Variants in MLLT3 observed in about 807,000 individuals in gnomAD.
MLLT3 encodes MLLT3 super elongation complex subunit.
In MLLT3, 4 loss-of-function variants were observed where a neutral mutation model predicts 53.2. The observed-to-expected ratio is 0.08, with a 90% CI of 0.04 to 0.17. The LOEUF is 0.17. Among genes scored for constraint, MLLT3 ranks in the 10% least tolerant of loss-of-function variants. The pLI, the probability that MLLT3 is intolerant of heterozygous loss-of-function variation, is 1.00. For synonymous variants in MLLT3, 283 were observed against 230.6 expected, an observed-to-expected ratio of 1.23 and a Z score of -2.06; for missense variants, 569 against 684.0, an observed-to-expected ratio of 0.83 and a Z score of 1.87.
rs1346619408 is a variant in MLLT3, at chr9:20,455,009, G to A, written c.276+1695C>T. Among the ~76,000 whole-genome samples, 3 of 152,080 alleles carry A rather than the reference G, an allele frequency of 2.0e-5. No homozygotes were observed. In the East Asian group the frequency reaches 5.8e-4, roughly 29 times the overall value. ...GGATGACTATAATAGAAAATAACAA[G>A]TAACAAGTATTGGAGAAATTGGTAG... On this transcript the variant is annotated intron_variant, in intron 3 of 10. Coordinates refer to ENST00000380338, the MANE Select transcript of MLLT3 (RefSeq NM_004529.4).
intron 2 of MLLT3, among the ~76,000 whole-genome samples, chr9:20,541,577 G>A (rs1218350718): frequency 1.3e-5 from 2 of 152,128 alleles, no homozygotes; most frequent in African/African-American, 2.4e-5. Flanking sequence ...GATCTCATGA[G>A]AACTCACTAT....
At chr9:20,434,292 G>C (rs548888473) in intron 4 of MLLT3, among the ~76,000 whole-genome samples, 1 of 152,228 alleles carries the variant, frequency 6.6e-6, no homozygotes, top group Non-Finnish European at 1.5e-5. Flanking sequence ...AAATTCTAAA[G>C]TATTCAGGGA....
At chr9:20,488,320 A>C (rs1163558126) in intron 2 of MLLT3, among the ~76,000 whole-genome samples, 1 of 152,092 alleles carries the variant, frequency 6.6e-6, no homozygotes, top group African/African-American at 2.4e-5. Context: ...ATGCTTAATG[A>C]CACTGAACTG....
At chr9:20,471,958 T>C (rs1403476305) in intron 2 of MLLT3, among the ~76,000 whole-genome samples, 2 of 151,924 alleles carry the variant, frequency 1.3e-5, no homozygotes, top group Non-Finnish European at 2.9e-5. Flanking sequence ...TAAAAGAATA[T>C]ATTATTAGAA....
At chr9:20,497,961 C>T (rs1333599367) in intron 2 of MLLT3, among the ~76,000 whole-genome samples, 1 of 152,032 alleles carries the variant, frequency 6.6e-6, no homozygotes, top group Non-Finnish European at 1.5e-5. Flanking sequence ...GTGGCTCATG[C>T]TTGTAATGCC....
At position 20,440,229 on chromosome 9, in the gene MLLT3, G is replaced by T. The variant is rs73648214; in HGVS notation, c.420+7894C>A. Among the ~76,000 whole-genome samples, 1,426 of 152,212 alleles carry T rather than the reference G, an allele frequency of 9.4e-3. 10 individuals carry two copies. The highest frequency in any genetic ancestry group is 0.031 in the African/African-American group (1,285 of 41,534). On this transcript the variant is annotated intron_variant, in intron 4 of 10. Coordinates refer to ENST00000380338, the MANE Select transcript of MLLT3 (RefSeq NM_004529.4). ...AGCAGCAGATCCTACAATTGAATTTGTGCCTTCAGATATCAAATCAAACAT... is the reference window on the plus strand; with the variant it reads ...AGCAGCAGATCCTACAATTGAATTTTTGCCTTCAGATATCAAATCAAACAT...
chr9:20,406,507 C>G (rs1822580727), intron 5 of MLLT3, among the ~76,000 whole-genome samples: 1 of 151,764 alleles, frequency 6.6e-6, no homozygotes, highest in South Asian at 2.1e-4. Flanking sequence ...GATAGTTTAT[C>G]ATACTTAAAA....
chr9:20,419,351 G>A (rs192161181), intron 4 of MLLT3, among the ~76,000 whole-genome samples: 1 of 151,874 alleles, frequency 6.6e-6, no homozygotes, highest in Non-Finnish European at 1.5e-5. Context: ...AGTCATAATG[G>A]GAAAAGAGAA....
intron 2 of MLLT3, among the ~76,000 whole-genome samples, chr9:20,582,895 A>T (rs1035336898): frequency 6.6e-6 from 1 of 152,116 alleles, no homozygotes; most frequent in Non-Finnish European, 1.5e-5. Context: ...AAACTATATC[A>T]TTCCACCCCT....
chr9:20,419,948 GA>G (rs1822965620), intron 4 of MLLT3, among the ~76,000 whole-genome samples: 1 of 152,130 alleles, frequency 6.6e-6, no homozygotes, highest in Admixed American at 6.5e-5. Flanking sequence ...TCCTGACACA[GA>G]AAAGTCTAAC....
In MLLT3 at chr9:20,622,404, C is replaced by T; in HGVS notation, c.-148G>A. The T allele has an allele frequency of 2.7e-6, 2 of 728,562 alleles. No homozygotes were observed. The highest frequency in any genetic ancestry group is 4.3e-6 in the Non-Finnish European group (2 of 460,778). 45.1% of individuals were successfully genotyped at this position (728,562 alleles called of 1,614,324 possible). ...TGGCGGACATTCTCTGCCTTTTTCCCCCCGCGCTCGCTTGCTCGCTCGCTC... is the reference window on the plus strand; with the variant it reads ...TGGCGGACATTCTCTGCCTTTTTCCTCCCGCGCTCGCTTGCTCGCTCGCTC... On this transcript the variant is annotated 5_prime_UTR_variant, in exon 1 of 11. Transcript: ENST00000380338.
chr9:20,541,180 T>C (rs73432581), intron 2 of MLLT3, among the ~76,000 whole-genome samples: 4,263 of 152,270 alleles, frequency 0.028, 214 homozygotes, highest in African/African-American at 0.096. Flanking sequence ...TCCATATCAC[T>C]ATCAACATTT....
chr9:20,413,972 C>G lies in MLLT3; in HGVS notation c.874G>C (p.Glu292Gln). 14 of 1,613,968 alleles carry G rather than the reference C, an allele frequency of 8.7e-6. No individual in the cohort carries two copies. The highest frequency in any genetic ancestry group is 1.2e-5 in the Non-Finnish European group (14 of 1,179,982). Reference sequence around the variant, plus strand: ...TTTTTCCTTTTTTTGGCTGAGAGTTCTTCAGAATCTGAAATGGGCGGCCTT... The same window carrying G: ...TTTTTCCTTTTTTTGGCTGAGAGTTGTTCAGAATCTGAAATGGGCGGCCTT... The part of the protein sequence containing the change: ...SKRPPISDSE[E>Q]LSAKKRKKSS... Residue 292 changes from glutamate to glutamine, a missense_variant, in exon 5 of 11, where the codon GAA becomes CAA. Physicochemically the swap from Glu to Gln is conservative, Grantham distance 29. Coordinates refer to ENST00000380338, the MANE Select transcript of MLLT3 (RefSeq NM_004529.4).
At chr9:20,355,089 T>C (rs1587145609) in intron 8 of MLLT3, among the ~76,000 whole-genome samples, 1 of 97,796 alleles carries the variant, frequency 1.0e-5, no homozygotes, top group African/African-American at 4.5e-5. Flanking sequence ...GTCAGAAAAG[T>C]AGAACTAAAA....
At chr9:20,547,644 CAAAA>C (rs71334534) in intron 2 of MLLT3, among the ~76,000 whole-genome samples, 1 of 122,822 alleles carries the variant, frequency 8.1e-6, no homozygotes, top group Non-Finnish European at 1.7e-5. Context: ...AACTCCATCT[CAAAA>C]AAAAAAAAAA....
At chr9:20,610,257 T>C (rs1820669165) in intron 2 of MLLT3, among the ~76,000 whole-genome samples, 2 of 152,120 alleles carry the variant, frequency 1.3e-5, no homozygotes, top group African/African-American at 2.4e-5. Context: ...AAAAAAATGA[T>C]AGAGCTGGCC....
chr9:20,525,591 G>C (rs1454820113), intron 2 of MLLT3, among the ~76,000 whole-genome samples: 1 of 152,144 alleles, frequency 6.6e-6, no homozygotes, highest in Admixed American at 6.5e-5. Context: ...CCTATCAAAT[G>C]TTAACAGTAT....
intron 2 of MLLT3, among the ~76,000 whole-genome samples, chr9:20,565,964 A>ATT (rs1352402100): frequency 2.7e-4 from 7 of 26,112 alleles, no homozygotes; most frequent in Admixed American, 9.0e-4. Flanking sequence ...TTATATATAT[A>ATT]TATTTATATA....
Position 20,515,024 on chromosome 9 carries a change from G to T in MLLT3, c.194-58238C>A, listed in dbSNP as rs142693637. ...TGCAGTGGCGTTATCTCGGCTCACC[G>T]CAACCTCTGCCTCCCGGGTTCAGGC... On this transcript the variant is annotated intron_variant, in intron 2 of 10. Coordinates refer to ENST00000380338, the MANE Select transcript of MLLT3 (RefSeq NM_004529.4). Among the ~76,000 whole-genome samples, 733 of 136,894 alleles carry T rather than the reference G, an allele frequency of 5.4e-3. 4 individuals carry two copies. The highest frequency in any genetic ancestry group is 0.018 in the African/African-American group (646 of 36,226). The allele number at this position is 136,894 out of a possible 152,430, so 89.8% of individuals were successfully genotyped here. A position where few individuals can be genotyped will look rare whatever the true frequency, so the allele number is the denominator to read the frequency against.
Sources: allele counts gnomAD v4.1 joint callset (sites outside exome capture counted in the v4.1 genomes callset), GRCh38; gene constraint gnomAD v4.1.1; transcripts MANE v1.5; gene names NCBI Gene and HGNC (gene_info 2026-07-23, HGNC 2026-07-21).